The following SLK variants were observed in gnomAD, a reference collection of about 807,000 sequenced individuals.
SLK encodes the protein STE20 like kinase.
SLK carries 67 observed loss-of-function variants against 147.7 expected under a neutral mutation model. The observed-to-expected ratio is 0.45, with a 90% confidence interval of 0.37 to 0.56. The LOEUF (loss-of-function observed/expected upper bound fraction) is 0.56. SLK is among the 20% of genes least tolerant of loss of function. The pLI, the probability that SLK is intolerant of heterozygous loss-of-function variation, is 0.00. For missense variants in SLK, 1,136 were observed against 1,438.8 expected (o/e 0.79, Z 3.41); for synonymous variants, 441 against 475.0 (o/e 0.93, Z 0.93).
chr10:103,998,014 T>TC (rs1185350188), intron 4 of SLK, among the ~76,000 whole-genome samples: 2 of 152,182 alleles, frequency 1.3e-5, no homozygotes, highest in African/African-American at 4.8e-5. Context: ...TACAAATACT[T>TC]CCAGAGAACC....
chr10:104,013,481 C>T (rs1844424505), intron 13 of SLK, among the ~76,000 whole-genome samples: 1 of 152,226 alleles, frequency 6.6e-6, no homozygotes, highest in South Asian at 2.1e-4. Context: ...AGTTCAAATC[C>T]TTCATTTTAC....
At chr10:103,991,201 A>AT (rs1564654461) in intron 2 of SLK, among the ~76,000 whole-genome samples, 1 of 152,110 alleles carries the variant, frequency 6.6e-6, no homozygotes, top group African/African-American at 2.4e-5. Flanking sequence ...ATTGTTTATA[A>AT]TTTTTTATCC....
chr10:103,991,225 A>T (rs901361608), intron 2 of SLK, among the ~76,000 whole-genome samples: 7 of 152,134 alleles, frequency 4.6e-5, no homozygotes, highest in Non-Finnish European at 1.0e-4. Flanking sequence ...ACTTTTTGTA[A>T]ATCTTGTAAT....
intron 1 of SLK, among the ~76,000 whole-genome samples, chr10:103,971,752 G>C (rs1843796892): frequency 6.6e-6 from 1 of 152,290 alleles, no homozygotes; most frequent in East Asian, 1.9e-4. Flanking sequence ...TTAAAAAATA[G>C]TAAAATATAT....
At position 103,993,001 on chromosome 10, in the gene SLK, A is replaced by T. The variant is rs1844121342; in HGVS notation, c.382A>T (p.Thr128Ser). Residue 128 changes from threonine to serine, a missense_variant, in exon 4 of 19, where the codon ACT becomes TCT. By Grantham distance (58) the Thr-to-Ser change is moderately conservative. Around this residue, in one of 6 missense-constraint regions of SLK, gnomAD observed 5 missense variants for 19.5 expected, o/e 0.26. Transcript: ENST00000369755. ...AVMLELERPLTESQIQVVCKQ... is the reference protein window; with the variant it reads ...AVMLELERPLSESQIQVVCKQ... ...CCTTATAGAACTTGAGAGACCATTA[A>T]CTGAGTCCCAAATACAAGTAGTTTG... The T allele has an allele frequency of 6.8e-6, 11 of 1,611,192 alleles. No individual in the cohort carries two copies. The East Asian group carries it at 2.5e-4, about 36-fold the overall frequency.
chr10:104,019,972 G>T, intron 16 of SLK, 50 bp downstream of exon 16: 2 of 1,422,922 alleles, frequency 1.4e-6, no homozygotes, highest in South Asian at 2.5e-5. Flanking sequence ...ATTTTTGAAT[G>T]ACCATTAGAA....
intron 1 of SLK, among the ~76,000 whole-genome samples, chr10:103,975,221 T>A (rs1173590869): frequency 6.6e-6 from 1 of 151,934 alleles, no homozygotes; most frequent in Non-Finnish European, 1.5e-5. Context: ...CATCCAACTG[T>A]CTATTAGAGA....
chr10:103,976,016 C>T (rs528004156), intron 1 of SLK, among the ~76,000 whole-genome samples: 1 of 152,252 alleles, frequency 6.6e-6, no homozygotes, highest in South Asian at 2.1e-4. Flanking sequence ...GATCCTCCCA[C>T]CCCAGCCTCC....
At chr10:104,010,719 C>G in intron 12 of SLK, 97 bp from the exon 13 acceptor site, 1 of 703,866 alleles carries the variant, frequency 1.4e-6, no homozygotes, top group Non-Finnish European at 2.2e-6. Context: ...AACTTTTTAA[C>G]AACTTTAATA....
At chr10:103,999,784 C>T (rs1330813705) in intron 6 of SLK, 83 bp from the exon 7 acceptor site, 4 of 595,338 alleles carry the variant, frequency 6.7e-6, no homozygotes, top group Non-Finnish European at 1.2e-5. Context: ...CATAATGAAA[C>T]TTAAGCATAA....
intron 1 of SLK, among the ~76,000 whole-genome samples, chr10:103,983,077 A>G (rs1199586768): frequency 6.6e-6 from 1 of 152,226 alleles, no homozygotes; most frequent in African/African-American, 2.4e-5. Flanking sequence ...GGTTTTCCCT[A>G]TGAACAATGT....
chr10:104,002,554 T>C lies in SLK; in HGVS notation c.1376T>C (p.Leu459Ser). The C allele has an allele frequency of 6.2e-7, 1 of 1,606,920 alleles. No individual in the cohort carries two copies. Among genetic ancestry groups the C allele is most frequent in the African/African-American group, 1.3e-5 (1 of 74,456 alleles). Residue 459 changes from leucine (L) to serine (S), a missense_variant, in exon 9 of 19, where the codon TTA (leucine) becomes TCA (serine). Leu to Ser is a moderately radical substitution (Grantham distance 145, BLOSUM62 -2). Coordinates refer to ENST00000369755, the MANE Select transcript of SLK (RefSeq NM_014720.4). ...EGKENNIMIT[L>S]ETNIEHNLKS... ...AAAGAGAATAATATAATGATAACCTTAGAAACAAATATTGAACATAATCTA... is the reference window on the plus strand; with the variant it reads ...AAAGAGAATAATATAATGATAACCTCAGAAACAAATATTGAACATAATCTA...
chr10:103,988,238 T>C (rs2134465646), intron 1 of SLK, among the ~76,000 whole-genome samples: 1 of 152,310 alleles, frequency 6.6e-6, no homozygotes, highest in East Asian at 1.9e-4. Context: ...TTTCATCTCC[T>C]AGTTTCAGGA....
Position 104,001,865 on chromosome 10 carries a change from G to A in SLK, c.993+293G>A, listed in dbSNP as rs1237518649. The stretch of plus-strand genomic sequence containing the variant: ...CGAGTAGCTGGGACTACAGGCATGC[G>A]CCACCACACCCAACTAATTTTTGTA... On this transcript the variant is annotated intron_variant, in intron 8 of 18. Coordinates refer to ENST00000369755, the MANE Select transcript of SLK (RefSeq NM_014720.4). 4.6e-5 allele frequency among the ~76,000 whole-genome samples: 7 copies of A among 151,942 alleles called. No individual in the cohort carries two copies. The South Asian group carries it at 6.2e-4, about 14-fold the overall frequency.
At chr10:103,986,031 T>G (rs1844008192) in intron 1 of SLK, among the ~76,000 whole-genome samples, 1 of 152,212 alleles carries the variant, frequency 6.6e-6, no homozygotes. Flanking sequence ...AGAAGTTATA[T>G]TTTTAAATTA....
In SLK at chr10:104,003,037, CAAT is replaced by C. The variant is rs778533327; in HGVS notation, c.1862_1864del (p.Ile621del). The C allele has an allele frequency of 6.2e-7, 1 of 1,613,692 alleles. No homozygotes were observed. Among genetic ancestry groups the C allele is most frequent in the East Asian group, 2.2e-5 (1 of 44,862 alleles). On this transcript the variant is annotated inframe_deletion, in exon 9 of 19. Coordinates refer to ENST00000369755, the MANE Select transcript of SLK (RefSeq NM_014720.4). ...GAAGAAGGTAAAAATAAGGAACAAG[CAAT>C]AAACAGTTCAGAGAACATAATGGAC... is the stretch of plus-strand genomic sequence containing the variant.
At chr10:104,002,135 A>G (rs141340729) in intron 8 of SLK, 37 bp from the exon 9 acceptor site, 208 of 1,511,724 alleles carry the variant, frequency 1.4e-4, no homozygotes, top group Middle Eastern at 1.1e-3. Flanking sequence ...CTCTAAGGTC[A>G]TGTTTTAACA....
chr10:104,021,912 G>C (rs1844540181), intron 18 of SLK, among the ~76,000 whole-genome samples, 179 bp downstream of exon 18: 1 of 152,086 alleles, frequency 6.6e-6, no homozygotes, highest in African/African-American at 2.4e-5. Context: ...GAATTGGTAG[G>C]GTCATTGCTC....
At position 104,025,648 on chromosome 10, in the gene SLK, C is replaced by A; in HGVS notation, c.3636C>A (p.Cys1212Ter). 6 of 1,613,124 alleles carry A rather than the reference C, an allele frequency of 3.7e-6. No individual in the cohort carries two copies. The highest frequency in any genetic ancestry group is 5.1e-6 in the Non-Finnish European group (6 of 1,179,138). Residue 1212 changes from cysteine to a stop codon, truncating the protein, a stop_gained, in exon 19 of 19, where the codon TGC (cysteine) becomes TGA (stop). Transcript: ENST00000369755. LOFTEE classifies it high-confidence loss of function. ...TTAAAATGACTGGGGAGTCTGAATG[C>A]CTTAACCCATCAACACAGAGCCGGA... ...VFFKMTGESE[C>*]LNPSTQSRIS...
Sources: gnomAD v4.1 joint callset for allele counts (sites outside exome capture counted in the v4.1 genomes callset) on GRCh38, gnomAD v4.1.1 for gene constraint, gnomAD v4.1.1 regional missense constraint, MANE v1.5 for transcripts, NCBI Gene and HGNC (gene_info 2026-07-23, HGNC 2026-07-21) for gene names.